FBXL5: variants seen among roughly 807,000 people sequenced by gnomAD.
FBXL5 encodes F-box/LRR-repeat protein 5.
Under a neutral mutation model 78.3 loss-of-function variants are expected in FBXL5, and 26 were observed. That is an observed-to-expected ratio of 0.33 (90% CI 0.24 to 0.46). The LOEUF (loss-of-function observed/expected upper bound fraction) is 0.46, where lower values mean the gene tolerates loss of function less well. Ranked by LOEUF, FBXL5 falls within the 20% of genes least tolerant of loss-of-function variation. FBXL5 has a pLI of 1.00. For synonymous variants in FBXL5, 295 were observed against 282.5 expected, an observed-to-expected ratio of 1.04 and a Z score of -0.45; for missense variants, 710 against 829.2, an observed-to-expected ratio of 0.86 and a Z score of 1.77.
At chr4:15,637,902 T>TTTAAAA (rs1184051081) in intron 4 of FBXL5, among the ~76,000 whole-genome samples, 1 of 144,802 alleles carries the variant, frequency 6.9e-6, no homozygotes, top group African/African-American at 2.5e-5. Context: ...CTAGTTTTTT[T>TTTAAAA]AAAAAAAAAA....
chr4:15,632,954 T>C (rs577838129), intron 5 of FBXL5, among the ~76,000 whole-genome samples: 2 of 152,054 alleles, frequency 1.3e-5, no homozygotes, highest in Admixed American at 6.6e-5. Flanking sequence ...TGAATAGGAG[T>C]GGTGAGAGAG....
At chr4:15,612,477 G>A (rs1330523276) in intron 9 of FBXL5, 63 bp from the exon 10 acceptor site, 2 of 1,434,834 alleles carry the variant, frequency 1.4e-6, no homozygotes, top group African/African-American at 1.6e-5. Flanking sequence ...GTATTCCTAT[G>A]GTTCACTGAA....
At position 15,627,867 on chromosome 4, in the gene FBXL5, G is replaced by C. The variant is rs1480572380; in HGVS notation, c.1041+18C>G. ...GCTGTTTTTCTTAATACCCAAACTA[G>C]TGTTAATTTAAACATACCATTTTGC... is the stretch of plus-strand genomic sequence containing the variant. On this transcript the variant is annotated intron_variant, in intron 7 of 10. Coordinates refer to ENST00000341285, the MANE Select transcript of FBXL5 (RefSeq NM_012161.4). The C allele has an allele frequency of 6.3e-7, 1 of 1,588,500 alleles. No homozygotes were observed. The highest frequency in any genetic ancestry group is 1.5e-5 in the African/African-American group (1 of 65,544).
At chr4:15,628,214 A>G (rs1160857845) in intron 6 of FBXL5, among the ~76,000 whole-genome samples, 181 bp from the exon 7 acceptor site, 1 of 152,244 alleles carries the variant, frequency 6.6e-6, no homozygotes. Context: ...TGAAAAGAAC[A>G]GCAAAAGTTT....
intron 1 of FBXL5, among the ~76,000 whole-genome samples, chr4:15,653,247 T>C (rs1487745226): frequency 2.6e-5 from 4 of 152,240 alleles, no homozygotes; most frequent in African/African-American, 9.6e-5. Context: ...CATGTCAAAT[T>C]GAAAATGCTT....
intron 1 of FBXL5, among the ~76,000 whole-genome samples, chr4:15,678,102 T>C (rs751167192): frequency 1.3e-5 from 2 of 152,214 alleles, no homozygotes; most frequent in Non-Finnish European, 2.9e-5. Context: ...ATATATTTAA[T>C]AGGAATAATT....
At chr4:15,626,016 A>G in intron 8 of FBXL5, 39 bp from the exon 9 acceptor site, 1 of 1,497,808 alleles carries the variant, frequency 6.7e-7, no homozygotes, top group African/African-American at 1.4e-5. Flanking sequence ...AATATTGTTA[A>G]ATTTTTCAAA....
chr4:15,628,588 T>C (rs1023246901), intron 6 of FBXL5, among the ~76,000 whole-genome samples: 10 of 152,168 alleles, frequency 6.6e-5, no homozygotes, highest in African/African-American at 2.4e-4. Flanking sequence ...CCTATTGTTA[T>C]TATTCTTACC....
At chr4:15,643,384 G>A (rs902746393) in intron 2 of FBXL5, among the ~76,000 whole-genome samples, 5 of 152,308 alleles carry the variant, frequency 3.3e-5, no homozygotes, top group South Asian at 2.1e-4. Context: ...AGCCAGAAGG[G>A]AAATAAACTA....
chr4:15,641,734 T>C, intron 2 of FBXL5: 1 of 392,846 alleles, frequency 2.5e-6, no homozygotes, highest in Non-Finnish European at 5.0e-6. Flanking sequence ...CTGTACCTGT[T>C]AACATTATCC....
chr4:15,638,584 T>A lies in FBXL5; in HGVS notation c.507A>T (p.Arg169Ser), dbSNP rs1264560453. ...CAGCATGATTCCATAGGCTAAGACC[T>A]CTAAGGAGTTCTGCAGTATCCTTCT... ...CSQKDTAELL[R>S]GLSLWNHAEE... The change falls in exon 4 of 11, where the codon AGA becomes AGT. Residue 169 changes from arginine (R) to serine (S), a missense_variant. By Grantham distance (110) the Arg-to-Ser change is moderately radical (BLOSUM62 -1). Transcript: ENST00000341285. The A allele has an allele frequency of 1.2e-6, 2 of 1,613,332 alleles. No individual in the cohort carries two copies. The highest frequency in any genetic ancestry group is 1.7e-6 in the Non-Finnish European group (2 of 1,179,710).
At chr4:15,650,315 T>C in intron 1 of FBXL5, among the ~76,000 whole-genome samples, 1 of 152,230 alleles carries the variant, frequency 6.6e-6, no homozygotes, top group Non-Finnish European at 1.5e-5. Flanking sequence ...TGAAATATAG[T>C]GCAATCCAGA....
intron 6 of FBXL5, among the ~76,000 whole-genome samples, chr4:15,629,328 T>G (rs1039366902): frequency 7.9e-5 from 12 of 152,246 alleles, no homozygotes; most frequent in Admixed American, 3.3e-4. Context: ...GAATTAATTT[T>G]CTAGAATGAA....
At chr4:15,655,985 C>T (rs768817134), upstream of FBXL5, among the ~76,000 whole-genome samples, 1 of 152,174 alleles carries the variant, frequency 6.6e-6, no homozygotes, top group Non-Finnish European at 1.5e-5. Flanking sequence ...GTGCGAGGGG[C>T]GGGGCAGAGA....
rs1473591183 is a variant in FBXL5, at chr4:15,655,196, T to TC, written c.84+7dup. 1.1e-5 allele frequency: 15 copies of TC among 1,410,240 alleles called. No homozygotes were observed. The highest frequency in any genetic ancestry group is 1.2e-5 in the Non-Finnish European group (13 of 1,058,662). The allele number at this position is 1,410,240 out of a possible 1,614,324, so 87.4% of individuals were successfully genotyped here. A position where few individuals can be genotyped will look rare whatever the true frequency, so the allele number is the denominator to read the frequency against. On this transcript the variant is annotated splice_region_variant and intron_variant, in intron 1 of 10. Transcript: ENST00000341285. ...CCGCCCACAGCGGGAGGCTCAGCGCTCCGTTACCTTGTCGCAGTAGAGCCC... is the reference window on the plus strand; with the variant it reads ...CCGCCCACAGCGGGAGGCTCAGCGCTCCCGTTACCTTGTCGCAGTAGAGCCC...
intron 10 of FBXL5, among the ~76,000 whole-genome samples, chr4:15,606,414 A>G (rs974212436): frequency 1.3e-5 from 2 of 152,152 alleles, no homozygotes; most frequent in Non-Finnish European, 2.9e-5. Context: ...ATTATCATTC[A>G]CTTACAAAGA....
At chr4:15,617,559 A>AG (rs1199744440) in intron 9 of FBXL5, among the ~76,000 whole-genome samples, 43 of 151,804 alleles carry the variant, frequency 2.8e-4, no homozygotes, top group African/African-American at 3.9e-4. Flanking sequence ...AAAAAAAAAA[A>AG]AAAGAAAGAA....
intron 2 of FBXL5, chr4:15,641,481 C>T (rs1222141863): frequency 2.3e-5 from 8 of 345,474 alleles, no homozygotes; most frequent in Non-Finnish European, 2.7e-5. Flanking sequence ...AGATTTTTTT[C>T]TTCCGTATGA....
chr4:15,656,115 C>A (rs1379185488), upstream of FBXL5: 3 of 452,504 alleles, frequency 6.6e-6, no homozygotes, highest in Non-Finnish European at 4.4e-6. Flanking sequence ...ATAGGCCCGA[C>A]GGGCCTTGGG....
Sources: allele counts gnomAD v4.1 joint callset (sites outside exome capture counted in the v4.1 genomes callset), GRCh38; gene constraint gnomAD v4.1.1; transcripts MANE v1.5; gene names NCBI Gene and HGNC (gene_info 2026-07-23, HGNC 2026-07-21).